The following GPR160 variants were observed in gnomAD, a reference collection of about 807,000 sequenced individuals.
GPR160 encodes the protein probable G protein-coupled receptor 160.
GPR160 carries 2 observed loss-of-function variants against 2.6 expected under a neutral mutation model. The observed-to-expected ratio is 0.77, with a 90% CI of 0.32 to 2.44. The LOEUF is 2.44. Ranked by LOEUF, GPR160 falls within the 30% of genes most tolerant of loss-of-function variation. The pLI, the probability that GPR160 is intolerant of heterozygous loss-of-function variation, is 0.11. For synonymous variants in GPR160, 130 were observed against 132.2 expected (o/e 0.98, Z 0.12); for missense variants, 351 against 383.6 (o/e 0.91, Z 0.71).
chr3:170,041,398 T>G (rs1402512511), intron 2 of GPR160, among the ~76,000 whole-genome samples: 1 of 148,204 alleles, frequency 6.7e-6, no homozygotes, highest in Non-Finnish European at 1.5e-5. Flanking sequence ...ACCTCCCGGG[T>G]TCACGCCATT....
chr3:170,061,727 G>A (rs1021842645), intron 2 of GPR160, among the ~76,000 whole-genome samples: 2 of 151,988 alleles, frequency 1.3e-5, no homozygotes, highest in Non-Finnish European at 2.9e-5. Flanking sequence ...AAATTGAATT[G>A]TACTCTACAT....
intron 2 of GPR160, among the ~76,000 whole-genome samples, chr3:170,049,636 C>A (rs969439672): frequency 6.6e-6 from 1 of 152,140 alleles, no homozygotes. Flanking sequence ...ATTCGCATCA[C>A]GCCTCCAGGG....
At chr3:170,057,982 A>G (rs1382705497) in intron 2 of GPR160, 2 of 152,256 alleles carry the variant, frequency 1.3e-5, no homozygotes, top group Non-Finnish European at 2.9e-5. Flanking sequence ...CAAGACACGA[A>G]TTTACTAAAA....
intron 2 of GPR160, among the ~76,000 whole-genome samples, chr3:170,073,017 A>G (rs1270066158): frequency 6.6e-6 from 1 of 152,108 alleles, no homozygotes; most frequent in Admixed American, 6.6e-5. Context: ...CCCCATCTCT[A>G]CAAATAAAAA....
intron 2 of GPR160, among the ~76,000 whole-genome samples, chr3:170,044,272 C>T (rs1260370613): frequency 7.3e-6 from 1 of 136,684 alleles, no homozygotes; most frequent in Non-Finnish European, 1.5e-5. Flanking sequence ...TGCGGTGAGC[C>T]GAGATCACGC....
Position 170,084,752 on chromosome 3 carries a change from A to C in GPR160, c.780A>C (p.Val260=). ...STWLPFVLLQ[V]IIVLLKVQIP... ...GGTTACCATTTGTACTACTTCAGGT[A>C]ATCATTGTTTTACTTAAAGTTCAGA... Residue 260 remains valine (V), a synonymous_variant, in exon 4 of 4, where the codon GTA becomes GTC. Coordinates refer to ENST00000355897, the MANE Select transcript of GPR160 (RefSeq NM_014373.3). 1.9e-6 allele frequency: 3 copies of C among 1,609,166 alleles called. No individual in the cohort carries two copies. The South Asian group carries it at 3.3e-5, about 18-fold the overall frequency.
chr3:170,046,618 T>A (rs1716731369), intron 2 of GPR160, among the ~76,000 whole-genome samples: 1 of 152,206 alleles, frequency 6.6e-6, no homozygotes, highest in Non-Finnish European at 1.5e-5. Context: ...CCCTTAGTAG[T>A]AAAATCATAG....
In GPR160 at chr3:170,050,829, C is replaced by A. The variant is rs113456959; in HGVS notation, c.-193+11786C>A. Among the ~76,000 whole-genome samples, 32 of 152,298 alleles carry A rather than the reference C, an allele frequency of 2.1e-4. 1 individual carries two copies. Among genetic ancestry groups the A allele is most frequent in the African/African-American group, 7.7e-4 (32 of 41,560 alleles). On this transcript the variant is annotated intron_variant, in intron 2 of 3. Coordinates refer to ENST00000355897, the MANE Select transcript of GPR160 (RefSeq NM_014373.3). ...AGTAGCATACAGTTTTATAAATGTACTGCATTTTATTTATCCACTCACCAG... is the reference window on the plus strand; with the variant it reads ...AGTAGCATACAGTTTTATAAATGTAATGCATTTTATTTATCCACTCACCAG...
At chr3:170,077,548 C>G (rs1027795150) in intron 2 of GPR160, 3 of 152,178 alleles carry the variant, frequency 2.0e-5, no homozygotes, top group Non-Finnish European at 4.4e-5. Flanking sequence ...GGAGTAGGTA[C>G]AAGGACGTGT....
intron 2 of GPR160, among the ~76,000 whole-genome samples, chr3:170,059,664 GT>G (rs1217553220): frequency 2.6e-5 from 4 of 151,682 alleles, no homozygotes; most frequent in African/African-American, 4.9e-5. Flanking sequence ...TGCTATTAGT[GT>G]GGCTTCCTGC....
At chr3:170,062,867 A>G (rs1262810740) in intron 2 of GPR160, 12 of 452,078 alleles carry the variant, frequency 2.7e-5, no homozygotes, top group Non-Finnish European at 4.9e-5. Context: ...ATCAATGACA[A>G]AGGCCGGGTG....
At chr3:170,081,342 A>T (rs1385153469) in intron 3 of GPR160, among the ~76,000 whole-genome samples, 1 of 152,226 alleles carries the variant, frequency 6.6e-6, no homozygotes, top group African/African-American at 2.4e-5. Context: ...TTTGGATAAG[A>T]TCAAATTAAA....
At chr3:170,050,814 A>C (rs1402227405) in intron 2 of GPR160, among the ~76,000 whole-genome samples, 1 of 152,240 alleles carries the variant, frequency 6.6e-6, no homozygotes, top group East Asian at 1.9e-4. Context: ...AGTAGCATAC[A>C]GTTTTATAAA....
chr3:170,047,334 C>T (rs1716766213), intron 2 of GPR160, among the ~76,000 whole-genome samples: 1 of 152,218 alleles, frequency 6.6e-6, no homozygotes, highest in Non-Finnish European at 1.5e-5. Flanking sequence ...CATTGCTGCC[C>T]TTGCCTCCTG....
At chr3:170,061,295 T>TA (rs1711940839) in intron 2 of GPR160, among the ~76,000 whole-genome samples, 1 of 148,974 alleles carries the variant, frequency 6.7e-6, no homozygotes. Flanking sequence ...AAAAGAAAGA[T>TA]AAAAAACAAC....
chr3:170,067,113 T>A lies in GPR160; in HGVS notation c.-192-12661T>A, dbSNP rs190961644. Among the ~76,000 whole-genome samples the A allele has an allele frequency of 4.1e-3, 620 of 152,318 alleles. 4 individuals are homozygous for A. Among genetic ancestry groups the A allele is most frequent in the African/African-American group, 0.014 (592 of 41,572 alleles). On this transcript the variant is annotated intron_variant, in intron 2 of 3. Coordinates refer to ENST00000355897, the MANE Select transcript of GPR160 (RefSeq NM_014373.3). ...TCAACCTCCTGGGCTCAAGCAGTCCTCCCGCCTCAACCTCCCAAGTAGCTG... is the reference window on the plus strand; with the variant it reads ...TCAACCTCCTGGGCTCAAGCAGTCCACCCGCCTCAACCTCCCAAGTAGCTG...
At position 170,038,098 on chromosome 3, in the gene GPR160, G is replaced by T; in HGVS notation, c.-439G>T. 6.5e-6 allele frequency: 1 copy of T among 152,888 alleles called. No individual in the cohort carries two copies. The highest frequency in any genetic ancestry group is 1.8e-4 in the South Asian group (1 of 5,542). The allele number at this position is 152,888 out of a possible 1,614,324, so 9.5% of individuals were successfully genotyped here. ...GGGAGCGCGCGGGGCGGGGCGGGGC[G>T]GGGCGGGACCAGGCGGGCGAGCTGG... On this transcript the variant is annotated 5_prime_UTR_variant, in exon 1 of 4. Transcript: ENST00000355897. The surrounding 1 kb of genome is among the most constrained non-coding windows in gnomAD (Gnocchi z 5.3).
chr3:170,055,226 C>G (rs1711576287), intron 2 of GPR160, among the ~76,000 whole-genome samples: 1 of 152,188 alleles, frequency 6.6e-6, no homozygotes, highest in Non-Finnish European at 1.5e-5. Context: ...GTGGGGCAAG[C>G]TGGCGTAGGT....
intron 2 of GPR160, among the ~76,000 whole-genome samples, chr3:170,039,588 A>C (rs1716359984): frequency 6.6e-6 from 1 of 152,170 alleles, no homozygotes; most frequent in African/African-American, 2.4e-5. Flanking sequence ...CGCGCCTGTA[A>C]TCCCGGCTAC....
Sources: gnomAD v4.1 joint callset for allele counts (sites outside exome capture counted in the v4.1 genomes callset) on GRCh38, gnomAD v4.1.1 for gene constraint, Gnocchi (gnomAD v3.1) non-coding constraint, MANE v1.5 for transcripts, NCBI Gene and HGNC (gene_info 2026-07-23, HGNC 2026-07-21) for gene names.